ZSWIM5: variants seen among roughly 807,000 people sequenced by gnomAD.
ZSWIM5 encodes the protein zinc finger SWIM-type containing 5, also known as zinc finger SWIM domain-containing protein 5.
In ZSWIM5, 55 loss-of-function variants were observed where a neutral mutation model predicts 119.6. The ratio of observed to expected loss-of-function variants is 0.46; its 90% CI spans 0.37 to 0.58. The LOEUF is 0.58. Ranked by LOEUF, ZSWIM5 falls within the 20% of genes least tolerant of loss-of-function variation. The pLI, the probability that ZSWIM5 is intolerant of heterozygous loss-of-function variation, is 0.00. For synonymous variants in ZSWIM5, 537 were observed against 606.9 expected (o/e 0.88, Z 1.69); for missense variants, 1,193 against 1,512.8 (o/e 0.79, Z 3.51).
intron 1 of ZSWIM5, among the ~76,000 whole-genome samples, chr1:45,167,105 G>A (rs1212014373): frequency 6.6e-6 from 1 of 152,044 alleles, no homozygotes; most frequent in Non-Finnish European, 1.5e-5. Flanking sequence ...AAATAGCATG[G>A]TACTGGTACC....
chr1:45,181,432 T>C (rs943409793), intron 1 of ZSWIM5, among the ~76,000 whole-genome samples: 2 of 152,010 alleles, frequency 1.3e-5, no homozygotes, highest in African/African-American at 4.8e-5. Context: ...TATGGGACTA[T>C]GTGAAAAGAC....
At chr1:45,127,512 T>A (rs1433243460) in intron 1 of ZSWIM5, among the ~76,000 whole-genome samples, 1 of 151,754 alleles carries the variant, frequency 6.6e-6, no homozygotes, top group East Asian at 1.9e-4. Flanking sequence ...GCTGCCATCA[T>A]AGTTCACTGC....
At chr1:45,202,028 T>C (rs913752412) in intron 1 of ZSWIM5, among the ~76,000 whole-genome samples, 1 of 151,824 alleles carries the variant, frequency 6.6e-6, no homozygotes, top group African/African-American at 2.4e-5. Context: ...GAGAACTCAT[T>C]GATCAGAAAA....
At chr1:45,129,466 A>AT (rs1034709366) in intron 1 of ZSWIM5, among the ~76,000 whole-genome samples, 10 of 150,752 alleles carry the variant, frequency 6.6e-5, no homozygotes, top group South Asian at 2.1e-4. Flanking sequence ...CAGATCTTGC[A>AT]TTTTTTTTTA....
chr1:45,017,497 CACAT>C lies in ZSWIM5; in HGVS notation c.*953_*956del, dbSNP rs1265053747. 1 of 152,196 alleles carries C rather than the reference CACAT, an allele frequency of 6.6e-6. No individual in the cohort carries two copies. The highest frequency in any genetic ancestry group is 1.5e-5 in the Non-Finnish European group (1 of 68,034). 9.4% of individuals were successfully genotyped at this position (152,196 alleles called of 1,614,324 possible). A position where few individuals can be genotyped will look rare whatever the true frequency, so the allele number is the denominator to read the frequency against. ...AACAGGTACACAGCCATAGAACTGA[CACAT>C]ACACATAAATATATATGTGCACAAA... On this transcript the variant is annotated 3_prime_UTR_variant, in exon 14 of 14. Coordinates refer to ENST00000359600, the MANE Select transcript of ZSWIM5 (RefSeq NM_020883.2).
intron 2 of ZSWIM5, among the ~76,000 whole-genome samples, chr1:45,077,549 G>A (rs2149007191): frequency 6.6e-6 from 1 of 152,332 alleles, no homozygotes; most frequent in African/African-American, 2.4e-5. Context: ...ACAGGACTGA[G>A]GCGAAATTAA....
At position 45,087,970 on chromosome 1, in the gene ZSWIM5, A is replaced by C; in HGVS notation, c.863T>G (p.Ile288Ser). Residue 288 changes from isoleucine to serine, a missense_variant, in exon 2 of 14, where the codon ATC (isoleucine) becomes AGC (serine). Physicochemically the swap from Ile to Ser is moderately radical, Grantham distance 142. Around this residue, in one of 2 missense-constraint regions of ZSWIM5, gnomAD observed 961 missense variants for 1,290.0 expected, o/e 0.74. Transcript: ENST00000359600. ...DQLQKFIQYL[I>S]TAHHTEVLPT... is the part of the protein sequence containing the mutation. ...AAGAACTTCAGTGTGGTGTGCCGTG[A>C]TTAAATATTGAATAAACTTTTGTAG... The C allele has an allele frequency of 6.2e-7, 1 of 1,614,214 alleles. No homozygotes were observed. The highest frequency in any genetic ancestry group is 8.5e-7 in the Non-Finnish European group (1 of 1,180,036).
intron 1 of ZSWIM5, among the ~76,000 whole-genome samples, chr1:45,147,375 G>T (rs1645768110): frequency 6.6e-6 from 1 of 151,880 alleles, no homozygotes; most frequent in African/African-American, 2.4e-5. Context: ...TAATTCAAGA[G>T]ACAATTTTCT....
chr1:45,181,714 C>T (rs1646020992), intron 1 of ZSWIM5, among the ~76,000 whole-genome samples: 1 of 152,106 alleles, frequency 6.6e-6, no homozygotes, highest in Non-Finnish European at 1.5e-5. Context: ...GGAAGCCCAT[C>T]AGACTAACAG....
chr1:45,136,080 C>T (rs961524306), intron 1 of ZSWIM5, among the ~76,000 whole-genome samples: 3 of 152,014 alleles, frequency 2.0e-5, no homozygotes, highest in Non-Finnish European at 4.4e-5. Flanking sequence ...AGGCTGGTCT[C>T]GAACTCCTGA....
chr1:45,121,586 C>CT (rs148242358), intron 1 of ZSWIM5, among the ~76,000 whole-genome samples: 21,249 of 146,484 alleles, frequency 0.15, 1,971 homozygotes, highest in African/African-American at 0.25. Flanking sequence ...AGATAGGAAT[C>CT]TTTTTTTTTC....
chr1:45,078,534 T>C (rs1000389412), intron 2 of ZSWIM5, among the ~76,000 whole-genome samples: 2 of 152,222 alleles, frequency 1.3e-5, no homozygotes, highest in Non-Finnish European at 2.9e-5. Flanking sequence ...TAATGGGGTC[T>C]TTCTCTGTTC....
At chr1:45,095,672 C>T (rs1645396599) in intron 1 of ZSWIM5, among the ~76,000 whole-genome samples, 1 of 152,130 alleles carries the variant, frequency 6.6e-6, no homozygotes, top group South Asian at 2.1e-4. Context: ...GCCTGATTGT[C>T]TTTCTTTTCA....
chr1:45,106,762 G>A (rs1026781860), intron 1 of ZSWIM5, among the ~76,000 whole-genome samples: 9 of 152,126 alleles, frequency 5.9e-5, no homozygotes, highest in African/African-American at 1.9e-4. Context: ...TGGCGGTTTT[G>A]TCGAAAAGAA....
At chr1:45,153,602 A>G (rs567476893) in intron 1 of ZSWIM5, among the ~76,000 whole-genome samples, 2 of 152,200 alleles carry the variant, frequency 1.3e-5, no homozygotes, top group South Asian at 4.2e-4. Context: ...CACCAAAAAC[A>G]CACATGCACT....
chr1:45,104,336 A>G (rs535459716), intron 1 of ZSWIM5, among the ~76,000 whole-genome samples: 1 of 152,346 alleles, frequency 6.6e-6, no homozygotes, highest in African/African-American at 2.4e-5. Context: ...ATGGCTCCAT[A>G]TACTATCGAT....
chr1:45,132,447 G>C (rs1271183808), intron 1 of ZSWIM5, among the ~76,000 whole-genome samples: 1 of 151,948 alleles, frequency 6.6e-6, no homozygotes, highest in East Asian at 1.9e-4. Context: ...TTTTCTCTAT[G>C]CAATACTAGA....
At chr1:45,180,061 G>C (rs1204504390) in intron 1 of ZSWIM5, among the ~76,000 whole-genome samples, 1 of 152,170 alleles carries the variant, frequency 6.6e-6, no homozygotes, top group Admixed American at 6.5e-5. Flanking sequence ...CATCTCACTA[G>C]GGAGTGCCAG....
intron 1 of ZSWIM5, among the ~76,000 whole-genome samples, chr1:45,160,639 T>C (rs578087049): frequency 2.0e-5 from 3 of 151,406 alleles, no homozygotes; most frequent in South Asian, 2.1e-4. Flanking sequence ...TAGTATTTCA[T>C]TGTGTATATA....
Sources: gnomAD v4.1 joint callset for allele counts (sites outside exome capture counted in the v4.1 genomes callset) on GRCh38, gnomAD v4.1.1 for gene constraint, gnomAD v4.1.1 regional missense constraint, MANE v1.5 for transcripts, NCBI Gene and HGNC (gene_info 2026-07-23, HGNC 2026-07-21) for gene names.